Variants in C5 observed in about 807,000 individuals in gnomAD.
C5 encodes C3 and PZP-like alpha-2-macroglobulin domain-containing protein 4.
C5 carries 140 observed loss-of-function variants against 218.8 expected under a neutral mutation model. The ratio of observed to expected loss-of-function variants is 0.64; its 90% CI spans 0.56 to 0.74. The LOEUF (loss-of-function observed/expected upper bound fraction) is 0.74. Among genes scored for constraint, C5 ranks in the 30% least tolerant of loss-of-function variants. C5 has a pLI of 0.00. For synonymous variants in C5, 614 were observed against 682.3 expected (o/e 0.90, Z 1.56); for missense variants, 1,700 against 1,969.6 (o/e 0.86, Z 2.59).
At chr9:121,067,824 T>A in the C5 span, among the ~76,000 whole-genome samples, 1 of 152,116 alleles carries the variant, frequency 6.6e-6, no homozygotes, top group Non-Finnish European at 1.5e-5. Flanking sequence ...TGTGCCTTGC[T>A]TCCCCTTTGC....
At chr9:121,060,331 T>A in the C5 span, among the ~76,000 whole-genome samples, 56 of 152,368 alleles carry the variant, frequency 3.7e-4, no homozygotes, top group African/African-American at 1.3e-3. Context: ...AAACTCTGGC[T>A]TCTCATCTTA....
At chr9:120,963,799 G>A in intron 33 of C5, 61 bp from the exon 34 acceptor site, 1 of 1,285,696 alleles carries the variant, frequency 7.8e-7, no homozygotes, top group Admixed American at 1.8e-5. Context: ...TTTAAGAAAG[G>A]ACACTCTTCC....
At chr9:121,051,942 G>C (rs2047673883), upstream of C5, among the ~76,000 whole-genome samples, 1 of 152,152 alleles carries the variant, frequency 6.6e-6, no homozygotes, top group African/African-American at 2.4e-5. Context: ...ATCAAGGTAG[G>C]TAATATTTGT....
chr9:121,053,533 T>C (rs993629152), upstream of C5, among the ~76,000 whole-genome samples: 2 of 151,522 alleles, frequency 1.3e-5, no homozygotes, highest in African/African-American at 4.9e-5. Flanking sequence ...AGAACAACTA[T>C]CCACGCAAGA....
rs142531310 is a variant in C5, at chr9:120,960,315, T to C, written c.4611A>G (p.Glu1537=). ...CVEADCGQMQ[E]ELDLTISAET... is the part of the protein sequence containing the mutation. ...CTGCAGAGATTGTCAGATCCAATTC[T>C]TCCTGCATTTGCCCACAATCAGCTG... Residue 1537 remains glutamate (E), a synonymous_variant, in exon 38 of 41, where the codon GAA becomes GAG. Coordinates refer to ENST00000223642, the MANE Select transcript of C5 (RefSeq NM_001735.3). The C allele has an allele frequency of 2.5e-6, 4 of 1,613,156 alleles. No individual in the cohort carries two copies. In the African/African-American group the frequency reaches 5.3e-5, roughly 22 times the overall value.
chr9:121,071,784 A>G, the C5 span, among the ~76,000 whole-genome samples: 1 of 152,226 alleles, frequency 6.6e-6, no homozygotes, highest in Non-Finnish European at 1.5e-5. Flanking sequence ...TTTCTTCTCT[A>G]AAACAAATTC....
chr9:121,026,215 A>C (rs2047422022), intron 8 of C5, among the ~76,000 whole-genome samples: 1 of 152,204 alleles, frequency 6.6e-6, no homozygotes, highest in Admixed American at 6.5e-5. Context: ...TGATGATGCA[A>C]ACCAAATGAA....
intron 12 of C5, 73 bp from the exon 13 acceptor site, chr9:121,017,925 C>A: frequency 1.1e-6 from 1 of 927,336 alleles, no homozygotes; most frequent in Non-Finnish European, 1.7e-6. Flanking sequence ...CTTTAGGATG[C>A]AGCCTGGAGC....
At chr9:120,970,899 T>C (rs2046907203) in intron 31 of C5, among the ~76,000 whole-genome samples, 2 of 152,134 alleles carry the variant, frequency 1.3e-5, no homozygotes, top group Admixed American at 1.3e-4. Context: ...CAGCTGGGCG[T>C]GGTGGCTCGC....
intron 25 of C5, 47 bp downstream of exon 25, chr9:120,988,999 G>T: frequency 7.5e-7 from 1 of 1,337,370 alleles, no homozygotes; most frequent in Non-Finnish European, 1.1e-6. Context: ...TTATTCTTTA[G>T]TTAATTAACC....
the C5 span, among the ~76,000 whole-genome samples, chr9:121,071,084 C>A: frequency 1.4e-4 from 22 of 152,052 alleles, no homozygotes; most frequent in Non-Finnish European, 2.6e-4. Context: ...CCAAGGCAAG[C>A]GGATACTTGA....
intron 23 of C5, among the ~76,000 whole-genome samples, chr9:120,990,093 AT>A (rs1454883280): frequency 6.6e-6 from 1 of 152,222 alleles, no homozygotes; most frequent in Non-Finnish European, 1.5e-5. Context: ...TATAAACCAT[AT>A]TTACCAATCC....
intron 20 of C5, among the ~76,000 whole-genome samples, chr9:121,004,919 T>C (rs1041670579): frequency 6.6e-6 from 1 of 151,990 alleles, no homozygotes; most frequent in Non-Finnish European, 1.5e-5. Flanking sequence ...TTTTAAAAAA[T>C]GTATGATAAA....
chr9:120,959,699 G>C (rs994466382), intron 38 of C5, among the ~76,000 whole-genome samples: 2 of 152,182 alleles, frequency 1.3e-5, no homozygotes, highest in African/African-American at 2.4e-5. Context: ...ACTGAGACAA[G>C]GCTACAACTG....
chr9:120,993,068 T>A (rs1190088462), intron 22 of C5, among the ~76,000 whole-genome samples: 1 of 152,200 alleles, frequency 6.6e-6, no homozygotes, highest in Non-Finnish European at 1.5e-5. Flanking sequence ...ATGCTTAAAA[T>A]CATTAGTAAC....
At chr9:121,017,240 A>G (rs1480621339) in intron 14 of C5, 122 bp downstream of exon 14, 3 of 1,179,970 alleles carry the variant, frequency 2.5e-6, no homozygotes, top group East Asian at 2.4e-5. Context: ...TACCTTCCTA[A>G]AAATGAGTAT....
chr9:121,045,427 A>C, intron 2 of C5, among the ~76,000 whole-genome samples: 1 of 152,304 alleles, frequency 6.6e-6, no homozygotes, highest in Middle Eastern at 3.4e-3. Context: ...AAAAACTCAA[A>C]ACAAATTTAT....
chr9:121,014,950 A>G (rs772676209), intron 16 of C5, among the ~76,000 whole-genome samples: 3 of 152,178 alleles, frequency 2.0e-5, no homozygotes, highest in East Asian at 1.9e-4. Context: ...ATGACAAATA[A>G]AAGCTAATAT....
At chr9:120,988,349 GT>G (rs2047050025) in intron 25 of C5, among the ~76,000 whole-genome samples, 1 of 152,182 alleles carries the variant, frequency 6.6e-6, no homozygotes, top group Admixed American at 6.5e-5. Context: ...ACGATATGAG[GT>G]GTTGGGAGGG....
Sources: allele counts gnomAD v4.1 joint callset (sites outside exome capture counted in the v4.1 genomes callset), GRCh38; gene constraint gnomAD v4.1.1; transcripts MANE v1.5; gene names NCBI Gene and HGNC (gene_info 2026-07-23, HGNC 2026-07-21).